Variants in ABL1 observed in about 807,000 individuals in gnomAD.
ABL1 encodes the protein ABL proto-oncogene 1, non-receptor tyrosine kinase, also known as tyrosine-protein kinase ABL1.
Under a neutral mutation model 94.7 loss-of-function variants are expected in ABL1, and 11 were observed. That is an observed-to-expected ratio of 0.12 (90% CI 0.07 to 0.19). The LOEUF (loss-of-function observed/expected upper bound fraction) is 0.19. Ranked by LOEUF, ABL1 falls within the 10% of genes least tolerant of loss-of-function variation. The probability of loss-of-function intolerance (pLI) is 1.00; values close to 1 mark genes in which losing one functional copy is unlikely to be tolerated. For missense variants in ABL1, 1,082 were observed against 1,489.4 expected, an observed-to-expected ratio of 0.73 and a Z score of 4.50; for synonymous variants, 656 against 622.4, an observed-to-expected ratio of 1.05 and a Z score of -0.80.
At chr9:130,724,838 T>G in intron 1 of ABL1, 1 of 487,582 alleles carries the variant, frequency 2.1e-6, no homozygotes, top group Admixed American at 2.0e-5. Context: ...TGTTGTTCCT[T>G]TATGGAAATC....
intron 1 of ABL1, among the ~76,000 whole-genome samples, chr9:130,727,500 C>T (rs1308848702): frequency 2.0e-5 from 3 of 152,078 alleles, no homozygotes; most frequent in Non-Finnish European, 4.4e-5. Flanking sequence ...TGGTGGCACA[C>T]GCCTGTAATC....
chr9:130,736,798 C>T lies in ABL1; in HGVS notation c.136+22343C>T, dbSNP rs115143528. Among the ~76,000 whole-genome samples the T allele has an allele frequency of 1.0e-3, 156 of 152,190 alleles. 1 individual carries two copies. The highest frequency in any genetic ancestry group is 3.2e-3 in the African/African-American group (133 of 41,530). On this transcript the variant is annotated intron_variant, in intron 1 of 10. Coordinates refer to the ABL1 transcript ENST00000372348. ...GAGCCACTGTGCCCGGCCGGTTGAA[C>T]GTTTTTAACATGTTTAGGGGAGATA...
At chr9:130,827,042 C>T (rs1395980907) in intron 1 of ABL1, among the ~76,000 whole-genome samples, 1 of 152,014 alleles carries the variant, frequency 6.6e-6, no homozygotes, top group African/African-American at 2.4e-5. Context: ...GGCGCCACTG[C>T]ACTCCAGCCT....
intron 1 of ABL1, among the ~76,000 whole-genome samples, chr9:130,732,914 T>C (rs2791726): frequency 6.6e-6 from 1 of 152,094 alleles, no homozygotes; most frequent in Non-Finnish European, 1.5e-5. Flanking sequence ...TGAATTGTTA[T>C]TAGCAAGGAG....
At chr9:130,736,622 G>T (rs2132704959) in intron 1 of ABL1, among the ~76,000 whole-genome samples, 1 of 152,134 alleles carries the variant, frequency 6.6e-6, no homozygotes, top group South Asian at 2.1e-4. Context: ...CTCCCAAGTA[G>T]CTGGGATTAC....
intron 1 of ABL1, among the ~76,000 whole-genome samples, chr9:130,720,576 G>A (rs1006692644): frequency 6.6e-6 from 1 of 152,126 alleles, no homozygotes; most frequent in Non-Finnish European, 1.5e-5. Context: ...TGGCCTTATT[G>A]GCCCATTTCA....
At chr9:130,729,780 G>A (rs1438096282) in intron 1 of ABL1, among the ~76,000 whole-genome samples, 1 of 151,538 alleles carries the variant, frequency 6.6e-6, no homozygotes, top group Non-Finnish European at 1.5e-5. Context: ...CTGTCGCCCA[G>A]GCTGGAGTGC....
Position 130,885,560 on chromosome 9 carries a change from G to A in ABL1, c.3270G>A (p.Leu1090=). Residue 1090 remains leucine, a synonymous_variant, in exon 11 of 11, where the codon CTG becomes CTA. Coordinates refer to ENST00000318560, the MANE Select transcript of ABL1 (RefSeq NM_005157.6). ...CCTTCCGAGAGGCCATCAACAAACT[G>A]GAGAATAATCTCCGGGAGCTTCAGA... ...KFAFREAINK[L]ENNLRELQIC... The A allele has an allele frequency of 6.2e-7, 1 of 1,614,074 alleles. No individual in the cohort carries two copies. The highest frequency in any genetic ancestry group is 8.5e-7 in the Non-Finnish European group (1 of 1,180,044).
chr9:130,852,756 T>C (rs140517408), intron 1 of ABL1, among the ~76,000 whole-genome samples: 1,582 of 152,322 alleles, frequency 0.01, 32 homozygotes, highest in African/African-American at 0.033. Context: ...ACACATTTTC[T>C]AATTTAAGAG....
At chr9:130,733,833 G>A (rs1172544799) in intron 1 of ABL1, among the ~76,000 whole-genome samples, 2 of 151,804 alleles carry the variant, frequency 1.3e-5, no homozygotes, top group African/African-American at 2.4e-5. Flanking sequence ...TTTGTGATCC[G>A]CCCGCCTCGG....
chr9:130,753,179 C>G (rs1831989264), intron 1 of ABL1, among the ~76,000 whole-genome samples: 1 of 151,810 alleles, frequency 6.6e-6, no homozygotes, highest in African/African-American at 2.4e-5. Flanking sequence ...ATGGCGTGAA[C>G]CCGGGAGGCA....
At chr9:130,881,488 G>A (rs1041580831) in intron 10 of ABL1, among the ~76,000 whole-genome samples, 10 of 152,158 alleles carry the variant, frequency 6.6e-5, no homozygotes, top group African/African-American at 1.4e-4. Flanking sequence ...CTTACTTGGC[G>A]GCAGGCAAGA....
Position 130,848,766 on chromosome 9 carries a change from A to G in ABL1, c.80-5298A>G, listed in dbSNP as rs142849573. Among the ~76,000 whole-genome samples the G allele has an allele frequency of 8.1e-3, 1,235 of 151,920 alleles. 14 individuals carry two copies. The highest frequency in any genetic ancestry group is 0.027 in the African/African-American group (1,136 of 41,428). On this transcript the variant is annotated intron_variant, in intron 1 of 10. Coordinates refer to ENST00000318560, the MANE Select transcript of ABL1 (RefSeq NM_005157.6). Reference sequence around the variant, plus strand: ...AGCCTGGCCAACATGGTGAAACCCCATCTCTACTAAAAATACAAAAAAAGT... The same window carrying G: ...AGCCTGGCCAACATGGTGAAACCCCGTCTCTACTAAAAATACAAAAAAAGT...
chr9:130,718,806 C>T (rs746463245), intron 1 of ABL1, among the ~76,000 whole-genome samples: 3 of 152,054 alleles, frequency 2.0e-5, no homozygotes, highest in Admixed American at 6.6e-5. Context: ...CACTTGAGCT[C>T]GGGAGGCCAA....
rs866556082 is a variant in ABL1, at chr9:130,747,355, G to C, written c.136+32900G>C. ...ATTGCACCACTGTGCTCCATCCTGA[G>C]CAAGAGTAAGACCCTGTCTCAAAAA... On this transcript the variant is annotated intron_variant, in intron 1 of 10. Transcript: ENST00000372348. 3.3e-5 allele frequency among the ~76,000 whole-genome samples: 5 copies of C among 152,064 alleles called. No individual in the cohort carries two copies. The Middle Eastern group carries it at 0.01, about 310-fold the overall frequency.
At chr9:130,735,364 C>T (rs945703377) in intron 1 of ABL1, among the ~76,000 whole-genome samples, 3 of 152,096 alleles carry the variant, frequency 2.0e-5, no homozygotes. Context: ...AATACATTTT[C>T]TAATTTAAAC....
intron 1 of ABL1, among the ~76,000 whole-genome samples, chr9:130,829,845 T>C (rs1830473219): frequency 6.6e-6 from 1 of 152,210 alleles, no homozygotes; most frequent in African/African-American, 2.4e-5. Context: ...AATTGTGATT[T>C]TATTGTTTTG....
At chr9:130,836,382 C>T (rs2132916425) in intron 1 of ABL1, among the ~76,000 whole-genome samples, 1 of 152,196 alleles carries the variant, frequency 6.6e-6, no homozygotes, top group South Asian at 2.1e-4. Flanking sequence ...GGTTATGGGT[C>T]TTCACTTTCG....
chr9:130,880,939 C>T lies in ABL1; in HGVS notation c.1678+275C>T, dbSNP rs540617382. On this transcript the variant is annotated intron_variant, in intron 10 of 10. Transcript: ENST00000318560. The surrounding 1 kb of genome is among the most constrained non-coding windows in gnomAD (Gnocchi z 4.4). The stretch of plus-strand genomic sequence containing the variant: ...TTCTGAAGCCCGCCAAGGAGCTAGC[C>T]CATCTCCCACCTATTACCCGCGGCA... Among the ~76,000 whole-genome samples, 3 of 152,310 alleles carry T rather than the reference C, an allele frequency of 2.0e-5. No homozygotes were observed. Among genetic ancestry groups the T allele is most frequent in the East Asian group, 3.9e-4 (2 of 5,174 alleles).
Sources: gnomAD v4.1 joint callset for allele counts (sites outside exome capture counted in the v4.1 genomes callset) on GRCh38, gnomAD v4.1.1 for gene constraint, Gnocchi (gnomAD v3.1) non-coding constraint, MANE v1.5 for transcripts, NCBI Gene and HGNC (gene_info 2026-07-23, HGNC 2026-07-21) for gene names.